MTUS2: variants seen among roughly 807,000 people sequenced by gnomAD.
MTUS2 encodes microtubule associated scaffold protein 2.
MTUS2 carries 40 observed loss-of-function variants against 114.1 expected under a neutral mutation model. The ratio of observed to expected loss-of-function variants is 0.35; its 90% CI spans 0.27 to 0.46. The LOEUF is 0.46. Ranked by LOEUF, MTUS2 falls within the 20% of genes least tolerant of loss-of-function variation. The probability of loss-of-function intolerance (pLI) is 1.00; values close to 1 mark genes in which losing one functional copy is unlikely to be tolerated. For synonymous variants in MTUS2, 688 were observed against 672.0 expected (o/e 1.02, Z -0.37); for missense variants, 1,679 against 1,705.4 (o/e 0.98, Z 0.27).
chr13:28,913,456 A>C (rs916461632), intron 2 of MTUS2, among the ~76,000 whole-genome samples: 2 of 152,154 alleles, frequency 1.3e-5, no homozygotes, highest in Admixed American at 1.3e-4. Context: ...CGTCACGGGG[A>C]TGAAGCTAAC....
intron 14 of MTUS2, among the ~76,000 whole-genome samples, chr13:29,500,792 AAC>A (rs3066073): frequency 0.23 from 32,857 of 144,020 alleles, 3,654 homozygotes; most frequent in East Asian, 0.43. Context: ...TTACATCAGA[AAC>A]ACACACACAC....
At chr13:29,447,610 A>AT (rs549056364) in intron 9 of MTUS2, among the ~76,000 whole-genome samples, 4,590 of 112,146 alleles carry the variant, frequency 0.041, 211 homozygotes, top group African/African-American at 0.12. Flanking sequence ...TGTTGTCTCC[A>AT]TTTTTTTTTT....
chr13:29,357,524 A>G (rs1268969480), intron 7 of MTUS2, among the ~76,000 whole-genome samples: 1 of 152,220 alleles, frequency 6.6e-6, no homozygotes, highest in African/African-American at 2.4e-5. Context: ...TGGGGAAAAA[A>G]ATATCTATCT....
At chr13:29,321,400 A>G (rs1392070898) in intron 6 of MTUS2, among the ~76,000 whole-genome samples, 1 of 152,200 alleles carries the variant, frequency 6.6e-6, no homozygotes, top group Non-Finnish European at 1.5e-5. Flanking sequence ...TTTAGAAGAC[A>G]TTTAGGCTGA....
intron 4 of MTUS2, among the ~76,000 whole-genome samples, chr13:29,048,048 A>G (rs759064952): frequency 1.3e-5 from 2 of 152,224 alleles, no homozygotes; most frequent in African/African-American, 2.4e-5. Context: ...GTTTATCCAT[A>G]CATTAGTTGG....
intron 6 of MTUS2, among the ~76,000 whole-genome samples, chr13:29,318,651 A>C (rs1446001103): frequency 6.6e-6 from 1 of 152,174 alleles, no homozygotes; most frequent in Non-Finnish European, 1.5e-5. Context: ...ACAAGTTGTA[A>C]GTCACTTTTA....
intron 2 of MTUS2, among the ~76,000 whole-genome samples, chr13:29,008,651 C>G (rs898783062): frequency 1.3e-5 from 2 of 152,232 alleles, no homozygotes; most frequent in East Asian, 3.9e-4. Flanking sequence ...AGGTGGAAAT[C>G]GTTTTTTCTT....
At chr13:29,286,918 T>C (rs1042388382) in intron 6 of MTUS2, among the ~76,000 whole-genome samples, 3 of 152,114 alleles carry the variant, frequency 2.0e-5, no homozygotes, top group African/African-American at 7.2e-5. Flanking sequence ...CTCGAACTGA[T>C]CTCAGGTGAT....
chr13:28,830,011 C>T (rs953482009), intron 1 of MTUS2, among the ~76,000 whole-genome samples: 1 of 152,018 alleles, frequency 6.6e-6, no homozygotes, highest in Non-Finnish European at 1.5e-5. Context: ...ATGTACCCCA[C>T]CCCCCAACAC....
intron 1 of MTUS2, among the ~76,000 whole-genome samples, chr13:28,832,367 T>C (rs999381809): frequency 6.6e-6 from 1 of 152,006 alleles, no homozygotes; most frequent in African/African-American, 2.4e-5. Context: ...TAGAGGGAAA[T>C]TTCAGAAATA....
At chr13:28,939,193 G>T (rs1882088367) in intron 2 of MTUS2, among the ~76,000 whole-genome samples, 1 of 152,100 alleles carries the variant, frequency 6.6e-6, no homozygotes, top group African/African-American at 2.4e-5. Context: ...GGAAATTTGG[G>T]TTGCTTCTGC....
In MTUS2 at chr13:29,017,862, G is replaced by A. The variant is rs188070284; in HGVS notation, c.-242-6595G>A. Among the ~76,000 whole-genome samples, 193 of 152,276 alleles carry A rather than the reference G, an allele frequency of 1.3e-3. 1 individual carries two copies. The highest frequency in any genetic ancestry group is 4.2e-3 in the African/African-American group (176 of 41,538). ...GTGGCATTAACCTTCAGCCTAGCGAGCTCATAATTTCATAAAGGGAATAAG... is the reference window on the plus strand; with the variant it reads ...GTGGCATTAACCTTCAGCCTAGCGAACTCATAATTTCATAAAGGGAATAAG... On this transcript the variant is annotated intron_variant, in intron 2 of 15. Coordinates refer to ENST00000612955, the MANE Select transcript of MTUS2 (RefSeq NM_001033602.4).
intron 10 of MTUS2, chr13:29,487,394 A>C (rs972209626): frequency 6.5e-6 from 1 of 153,872 alleles, no homozygotes; most frequent in Non-Finnish European, 1.5e-5. Context: ...CAGTTTCCAC[A>C]TCTGTCAATT....
At chr13:28,996,764 T>C (rs529053151) in intron 2 of MTUS2, among the ~76,000 whole-genome samples, 1 of 152,344 alleles carries the variant, frequency 6.6e-6, no homozygotes, top group African/African-American at 2.4e-5. Flanking sequence ...TCATTTTTTA[T>C]TGCGTCTATT....
chr13:29,228,164 G>A (rs1022440754), intron 5 of MTUS2, among the ~76,000 whole-genome samples: 5 of 152,322 alleles, frequency 3.3e-5, no homozygotes, highest in African/African-American at 1.2e-4. Context: ...GGAATGAAAT[G>A]AATGGCATTC....
intron 8 of MTUS2, among the ~76,000 whole-genome samples, chr13:29,421,120 G>A (rs1341807558): frequency 2.6e-5 from 4 of 152,068 alleles, no homozygotes; most frequent in Non-Finnish European, 5.9e-5. Context: ...AGCATCTATT[G>A]TCTGTGTGTG....
At chr13:29,198,263 G>T (rs983046642) in intron 5 of MTUS2, among the ~76,000 whole-genome samples, 1 of 152,246 alleles carries the variant, frequency 6.6e-6, no homozygotes, top group Non-Finnish European at 1.5e-5. Flanking sequence ...GTAAGGAAGG[G>T]GTCTGGTTTC....
At chr13:28,823,137 C>CCT (rs1164612851) in intron 1 of MTUS2, among the ~76,000 whole-genome samples, 2 of 152,234 alleles carry the variant, frequency 1.3e-5, no homozygotes, top group Non-Finnish European at 2.9e-5. Flanking sequence ...AAAGATGCTT[C>CCT]ATTAATAAAA....
rs557228590 is a variant in MTUS2 at position 29,359,241 on chromosome 13, G to A, written c.2906-21G>A. On this transcript the variant is annotated intron_variant, in intron 7 of 15. Coordinates refer to ENST00000612955, the MANE Select transcript of MTUS2 (RefSeq NM_001033602.4). Reference sequence around the variant, plus strand: ...GAGTGTTTTTTCACAGGTGACCGGGGTTTGGTTTTCTTTCTCACAGGATAC... The same window carrying A: ...GAGTGTTTTTTCACAGGTGACCGGGATTTGGTTTTCTTTCTCACAGGATAC... 6.9e-5 allele frequency: 108 copies of A among 1,572,210 alleles called. 1 individual carries two copies. In the South Asian group the frequency reaches 1.2e-3, roughly 17 times the overall value.
Sources: allele counts gnomAD v4.1 joint callset (sites outside exome capture counted in the v4.1 genomes callset), GRCh38; gene constraint gnomAD v4.1.1; transcripts MANE v1.5; gene names NCBI Gene and HGNC (gene_info 2026-07-23, HGNC 2026-07-21).